Variants in ECHDC1 observed in about 807,000 individuals in gnomAD.
ECHDC1 encodes ethylmalonyl-CoA decarboxylase 1, also known as ethylmalonyl-CoA decarboxylase.
Under a neutral mutation model 29.7 loss-of-function variants are expected in ECHDC1, and 29 were observed. The ratio of observed to expected loss-of-function variants is 0.98; its 90% CI spans 0.73 to 1.33. ECHDC1 has a LOEUF of 1.33. Ranked by LOEUF, ECHDC1 falls within the 40% of genes most tolerant of loss-of-function variation. The probability of loss-of-function intolerance (pLI) is 0.00; values close to 1 mark genes in which losing one functional copy is unlikely to be tolerated. For missense variants in ECHDC1, 328 were observed against 350.0 expected, an observed-to-expected ratio of 0.94 and a Z score of 0.50; for synonymous variants, 126 against 123.1, an observed-to-expected ratio of 1.02 and a Z score of -0.15.
At chr6:127,321,810 C>T (rs1485305386) in intron 3 of ECHDC1, among the ~76,000 whole-genome samples, 2 of 151,898 alleles carry the variant, frequency 1.3e-5, no homozygotes, top group Non-Finnish European at 2.9e-5. Context: ...CGAGACCAGC[C>T]TGGCCAAAAC....
intron 1 of ECHDC1, among the ~76,000 whole-genome samples, chr6:127,339,091 G>A (rs1474533672): frequency 1.3e-5 from 2 of 151,868 alleles, no homozygotes; most frequent in East Asian, 1.9e-4. Context: ...CTCCTAAACT[G>A]CCAGTTGCAA....
chr6:127,307,189 T>C (rs1340044422), intron 5 of ECHDC1, among the ~76,000 whole-genome samples: 2 of 152,172 alleles, frequency 1.3e-5, no homozygotes. Context: ...AGGGAGTTTA[T>C]AGCTATAAGT....
intron 2 of ECHDC1, among the ~76,000 whole-genome samples, chr6:127,327,758 T>C (rs1783493107): frequency 6.6e-6 from 1 of 152,240 alleles, no homozygotes; most frequent in South Asian, 2.1e-4. Flanking sequence ...CAACCATTGA[T>C]TCTATGATTT....
chr6:127,330,780 T>C (rs1456180594), intron 2 of ECHDC1, 29 bp downstream of exon 2: 1 of 1,577,254 alleles, frequency 6.3e-7, no homozygotes, highest in East Asian at 2.2e-5. Context: ...TTTAGTGTCA[T>C]TCTTTAGGAA....
intron 3 of ECHDC1, 132 bp from the exon 4 acceptor site, chr6:127,316,634 A>C: frequency 1.5e-6 from 1 of 676,898 alleles, no homozygotes. Context: ...TCCATTTAAA[A>C]CTCTTTGATG....
intron 1 of ECHDC1, among the ~76,000 whole-genome samples, chr6:127,332,853 C>T (rs1441290437): frequency 2.0e-5 from 3 of 150,754 alleles, no homozygotes; most frequent in Non-Finnish European, 4.4e-5. Context: ...ATGCAGTGGG[C>T]ACTATCTCCA....
At chr6:127,322,796 A>G (rs1021751318) in intron 3 of ECHDC1, among the ~76,000 whole-genome samples, 2 of 151,794 alleles carry the variant, frequency 1.3e-5, no homozygotes, top group Non-Finnish European at 2.9e-5. Context: ...TAAAATAACC[A>G]CTCACTTTTT....
chr6:127,318,700 C>T (rs1388542947), intron 3 of ECHDC1, among the ~76,000 whole-genome samples: 4 of 152,156 alleles, frequency 2.6e-5, no homozygotes, highest in Non-Finnish European at 5.9e-5. Flanking sequence ...TGACAGTATG[C>T]CTTCCCCCTC....
chr6:127,342,226 C>T, intron 1 of ECHDC1: 2 of 913,330 alleles, frequency 2.2e-6, no homozygotes, highest in Non-Finnish European at 3.2e-6. Flanking sequence ...ACCAGTTCTT[C>T]CCATTAGTCT....
intron 3 of ECHDC1, among the ~76,000 whole-genome samples, chr6:127,321,310 T>C (rs1199992675): frequency 2.0e-5 from 3 of 152,328 alleles, no homozygotes; most frequent in Admixed American, 2.0e-4. Flanking sequence ...CTTAAAGCCA[T>C]GATAAGTTTC....
At chr6:127,311,186 T>C (rs1456806457) in intron 5 of ECHDC1, among the ~76,000 whole-genome samples, 1 of 152,124 alleles carries the variant, frequency 6.6e-6, no homozygotes, top group East Asian at 1.9e-4. Flanking sequence ...AGATGGCAGA[T>C]TTAAACCCAA....
At chr6:127,315,171 T>C in intron 4 of ECHDC1, 2 of 564,816 alleles carry the variant, frequency 3.5e-6, no homozygotes, top group South Asian at 3.1e-5. Context: ...GCTATAGCCA[T>C]ATTGTAACTT....
At position 127,307,648 on chromosome 6, in the gene ECHDC1, GA is replaced by G. The variant is rs71024770; in HGVS notation, c.497+7167del. Among the ~76,000 whole-genome samples the G allele has an allele frequency of 1.3e-3, 65 of 48,660 alleles. 1 individual carries two copies. The highest frequency in any genetic ancestry group is 1.6e-3 in the African/African-American group (24 of 15,102). 31.9% of individuals were successfully genotyped at this position (48,660 alleles called of 152,430 possible). ...GGTGACAGAGTGATACTCTGTCTCA[GA>G]AAAAAAAAAAAAAGACAGAAAGAAA... On this transcript the variant is annotated intron_variant, in intron 5 of 5. Coordinates refer to ENST00000454859, the MANE Select transcript of ECHDC1 (RefSeq NM_001002030.2).
chr6:127,331,665 G>A (rs1441328779), intron 1 of ECHDC1, among the ~76,000 whole-genome samples: 3 of 152,142 alleles, frequency 2.0e-5, no homozygotes, highest in East Asian at 3.8e-4. Flanking sequence ...CTGCCTCTAG[G>A]TAGTCTTTTG....
chr6:127,308,417 T>C (rs563972016), intron 5 of ECHDC1, among the ~76,000 whole-genome samples: 2 of 152,320 alleles, frequency 1.3e-5, no homozygotes, highest in African/African-American at 4.8e-5. Flanking sequence ...TTTGGACTCA[T>C]GCTGAAAAAG....
intron 1 of ECHDC1, among the ~76,000 whole-genome samples, chr6:127,332,492 G>A (rs1351190425): frequency 2.0e-5 from 3 of 152,080 alleles, no homozygotes; most frequent in African/African-American, 7.2e-5. Flanking sequence ...GGGGAGACAT[G>A]GGACATCAAT....
chr6:127,295,864 C>A (rs1780555219), intron 5 of ECHDC1, among the ~76,000 whole-genome samples: 1 of 152,116 alleles, frequency 6.6e-6, no homozygotes, highest in Non-Finnish European at 1.5e-5. Flanking sequence ...AACAACAGAC[C>A]TAACTGCAAG....
intron 5 of ECHDC1, among the ~76,000 whole-genome samples, chr6:127,302,053 T>A (rs1055422222): frequency 8.5e-5 from 13 of 152,162 alleles, no homozygotes; most frequent in Non-Finnish European, 1.5e-4. Flanking sequence ...CCCTCAGACA[T>A]CTTGTAACAA....
chr6:127,331,051 T>C (rs1409851537), intron 1 of ECHDC1, 21 bp from the exon 2 acceptor site: 1 of 1,591,232 alleles, frequency 6.3e-7, no homozygotes, highest in East Asian at 2.2e-5. Context: ...GAAATAAGTA[T>C]GCGGTAGTAT....
Sources: gnomAD v4.1 joint callset for allele counts (sites outside exome capture counted in the v4.1 genomes callset) on GRCh38, gnomAD v4.1.1 for gene constraint, MANE v1.5 for transcripts, NCBI Gene and HGNC (gene_info 2026-07-23, HGNC 2026-07-21) for gene names.